The following KCNMA1 variants were observed in gnomAD, a reference collection of about 807,000 sequenced individuals.
The protein encoded by KCNMA1 is Calcium-activated potassium channel subunit alpha-1.
In KCNMA1, 29 loss-of-function variants were observed where a neutral mutation model predicts 140.0. That is an observed-to-expected ratio of 0.21 (90% CI 0.15 to 0.28). The LOEUF (loss-of-function observed/expected upper bound fraction) is 0.28. Ranked by LOEUF, KCNMA1 falls within the 10% of genes least tolerant of loss-of-function variation. The pLI is 1.00. For synonymous variants in KCNMA1, 612 were observed against 611.9 expected (o/e 1.00, Z 0.00); for missense variants, 880 against 1,602.2 (o/e 0.55, Z 7.70).
intron 21 of KCNMA1, chr10:76,952,144 G>A (rs1565149174): frequency 3.9e-6 from 6 of 1,551,502 alleles, no homozygotes; most frequent in Non-Finnish European, 5.2e-6. Context: ...CCCAGATACG[G>A]CATCCAGCCT....
At chr10:77,619,542 C>A (rs1448957720) in intron 1 of KCNMA1, among the ~76,000 whole-genome samples, 1 of 152,132 alleles carries the variant, frequency 6.6e-6, no homozygotes, top group African/African-American at 2.4e-5. Context: ...TAGCTCTGCC[C>A]CAAAGGGTAC....
chr10:76,971,115 G>A (rs1245960881), intron 19 of KCNMA1: 3 of 152,108 alleles, frequency 2.0e-5, no homozygotes, highest in Non-Finnish European at 2.9e-5. Context: ...CCACAATTCA[G>A]GCTAAAGCTG....
intron 2 of KCNMA1, among the ~76,000 whole-genome samples, chr10:77,260,548 A>C (rs543304423): frequency 6.6e-6 from 1 of 152,148 alleles, no homozygotes; most frequent in Admixed American, 6.5e-5. Context: ...ATCTCTACTA[A>C]AAGTACAAAA....
chr10:77,317,991 T>C (rs1033895481), intron 2 of KCNMA1, among the ~76,000 whole-genome samples: 1 of 152,178 alleles, frequency 6.6e-6, no homozygotes, highest in African/African-American at 2.4e-5. Context: ...AGTGAGGCAG[T>C]AGTGATGGAA....
At chr10:77,161,527 G>A (rs1386533456) in intron 5 of KCNMA1, among the ~76,000 whole-genome samples, 1 of 152,116 alleles carries the variant, frequency 6.6e-6, no homozygotes, top group Non-Finnish European at 1.5e-5. Flanking sequence ...TTACAGGTGT[G>A]AGCCACCATG....
At chr10:77,453,353 A>AAAT (rs2097698193) in intron 1 of KCNMA1, among the ~76,000 whole-genome samples, 1 of 97,726 alleles carries the variant, frequency 1.0e-5, no homozygotes, top group Admixed American at 9.4e-5. Flanking sequence ...TAGAGGTAAA[A>AAAT]AATAAATAAA....
chr10:77,254,799 T>G (rs1459215678), intron 2 of KCNMA1, among the ~76,000 whole-genome samples: 1 of 152,116 alleles, frequency 6.6e-6, no homozygotes, highest in East Asian at 1.9e-4. Flanking sequence ...CTTCTATAGT[T>G]TCAGGGACAA....
intron 5 of KCNMA1, among the ~76,000 whole-genome samples, chr10:77,129,584 A>C (rs2097810537): frequency 6.6e-6 from 1 of 152,192 alleles, no homozygotes. Context: ...AAGATTATTT[A>C]TAAAACAAAG....
intron 19 of KCNMA1, among the ~76,000 whole-genome samples, chr10:76,992,098 G>A (rs1478274005): frequency 1.3e-5 from 2 of 152,148 alleles, no homozygotes; most frequent in Non-Finnish European, 2.9e-5. Flanking sequence ...CTCATCTTGC[G>A]GTATTGAAGG....
intron 19 of KCNMA1, chr10:76,977,929 C>A: frequency 2.5e-6 from 1 of 399,976 alleles, no homozygotes; most frequent in Non-Finnish European, 4.5e-6. Flanking sequence ...GCCAGTCCAC[C>A]CTGCGAGAGC....
intron 1 of KCNMA1, among the ~76,000 whole-genome samples, chr10:77,560,137 C>T (rs916534181): frequency 2.0e-5 from 3 of 152,104 alleles, no homozygotes; most frequent in African/African-American, 7.2e-5. Context: ...GAGCCAAGAT[C>T]GCGCTACTGC....
At chr10:77,236,972 T>C (rs973980381) in intron 3 of KCNMA1, among the ~76,000 whole-genome samples, 6 of 152,208 alleles carry the variant, frequency 3.9e-5, no homozygotes, top group Non-Finnish European at 7.3e-5. Flanking sequence ...TGCTTGTTTT[T>C]CCTTTCACAA....
chr10:76,891,755 A>C (rs780254986), intron 25 of KCNMA1, 36 bp from the exon 26 acceptor site: 1 of 1,553,884 alleles, frequency 6.4e-7, no homozygotes, highest in South Asian at 1.1e-5. Flanking sequence ...AAAGTCCTTT[A>C]AGCAAACACC....
intron 19 of KCNMA1, chr10:76,971,102 C>G (rs1425563354): frequency 6.6e-6 from 1 of 152,168 alleles, no homozygotes; most frequent in Non-Finnish European, 1.5e-5. Context: ...CCTCTCCCCA[C>G]CCCCACAATT....
rs1395464276 is a variant in KCNMA1, at chr10:76,891,586, T to C, written c.3281A>G (p.Asn1094Ser). ...CTGGGCCACGCGGCAGCGGTCCCTATTGGCCAGTGTCTGCGGGGTGCTGTA... is the reference window on the plus strand; with the variant it reads ...CTGGGCCACGCGGCAGCGGTCCCTACTGGCCAGTGTCTGCGGGGTGCTGTA... ...GGYSTPQTLA[N>S]RDRCRVAQLA... Residue 1094 changes from asparagine (N) to serine (S), a missense_variant, in exon 26 of 28, where the codon AAT (asparagine) becomes AGT (serine). By Grantham distance (46) the Asn-to-Ser change is conservative. This residue lies in a region of KCNMA1 where 31 missense variants were observed against 38.8 expected (regional missense o/e 0.80). Coordinates refer to ENST00000286628, the MANE Select transcript of KCNMA1 (RefSeq NM_001161352.2). The C allele has an allele frequency of 3.1e-6, 5 of 1,614,034 alleles. No homozygotes were observed. In the Admixed American group the frequency reaches 5.0e-5, roughly 16 times the overall value.
At chr10:77,130,322 G>A (rs766836187) in intron 5 of KCNMA1, among the ~76,000 whole-genome samples, 6 of 152,170 alleles carry the variant, frequency 3.9e-5, no homozygotes, top group Non-Finnish European at 5.9e-5. Context: ...CTTTGCGTTA[G>A]ATGATTTTGC....
chr10:77,063,399 T>C (rs554478916), intron 14 of KCNMA1, among the ~76,000 whole-genome samples: 2 of 151,700 alleles, frequency 1.3e-5, no homozygotes, highest in Non-Finnish European at 2.9e-5. Flanking sequence ...GAGCCGAGAC[T>C]GCACCACCGC....
chr10:77,329,140 A>AAT (rs1245848475), intron 2 of KCNMA1, among the ~76,000 whole-genome samples: 2 of 152,082 alleles, frequency 1.3e-5, no homozygotes, highest in African/African-American at 4.8e-5. Context: ...GCGCCCGGTC[A>AAT]ATATATATCT....
At chr10:77,228,120 A>T (rs2052197096) in intron 3 of KCNMA1, among the ~76,000 whole-genome samples, 1 of 151,906 alleles carries the variant, frequency 6.6e-6, no homozygotes, top group East Asian at 1.9e-4. Flanking sequence ...ACGTGCCACC[A>T]CGCCTGGCTA....
Sources: gnomAD v4.1 joint callset for allele counts (sites outside exome capture counted in the v4.1 genomes callset) on GRCh38, gnomAD v4.1.1 for gene constraint, gnomAD v4.1.1 regional missense constraint, MANE v1.5 for transcripts, NCBI Gene and HGNC (gene_info 2026-07-23, HGNC 2026-07-21) for gene names.